The following RAB31 variants were observed in gnomAD, a reference collection of about 807,000 sequenced individuals.
RAB31 encodes the protein ras-related protein Rab-31.
A neutral mutation model predicts 25.6 loss-of-function variants in RAB31; 21 were observed. The observed-to-expected ratio is 0.82, with a 90% confidence interval of 0.58 to 1.18. The LOEUF is 1.18. Ranked by LOEUF, RAB31 falls within the 50% of genes most tolerant of loss-of-function variation. RAB31 has a pLI of 0.00. For missense variants in RAB31, 196 were observed against 250.1 expected (o/e 0.78, Z 1.46); for synonymous variants, 87 against 84.0 (o/e 1.04, Z -0.20).
intron 5 of RAB31, among the ~76,000 whole-genome samples, chr18:9,845,228 T>A (rs1026793939): frequency 6.6e-6 from 1 of 152,188 alleles, no homozygotes; most frequent in Non-Finnish European, 1.5e-5. Flanking sequence ...AGGTTTGGTG[T>A]TTTTTAATAT....
At chr18:9,711,092 C>T (rs777497004) in intron 1 of RAB31, among the ~76,000 whole-genome samples, 1 of 152,092 alleles carries the variant, frequency 6.6e-6, no homozygotes, top group Non-Finnish European at 1.5e-5. Context: ...TCTAGCTGCT[C>T]ATCCAATTAG....
chr18:9,839,081 G>A (rs114910703), intron 5 of RAB31, among the ~76,000 whole-genome samples: 2,380 of 152,294 alleles, frequency 0.016, 61 homozygotes, highest in African/African-American at 0.053. Context: ...GTTCTGGTCC[G>A]AAGACATCCA....
At chr18:9,750,717 G>A (rs2068230549) in intron 1 of RAB31, among the ~76,000 whole-genome samples, 1 of 152,194 alleles carries the variant, frequency 6.6e-6, no homozygotes, top group Admixed American at 6.5e-5. Flanking sequence ...GTTCGGAGAA[G>A]GTCTGCAATA....
intron 1 of RAB31, among the ~76,000 whole-genome samples, chr18:9,772,910 T>A (rs972888862): frequency 6.6e-6 from 1 of 151,646 alleles, no homozygotes; most frequent in Non-Finnish European, 1.5e-5. Flanking sequence ...ATGAAAAGAG[T>A]TGTGGTTTGG....
chr18:9,861,128 T>G lies in RAB31; in HGVS notation c.*1803T>G, dbSNP rs981834140. 1 of 151,268 alleles carries G rather than the reference T, an allele frequency of 6.6e-6. No homozygotes were observed. The highest frequency in any genetic ancestry group is 2.4e-5 in the African/African-American group (1 of 41,156). The allele number at this position is 151,268 out of a possible 1,614,324, so 9.4% of individuals were successfully genotyped here. A position where few individuals can be genotyped will look rare whatever the true frequency, so the allele number is the denominator to read the frequency against. ...TAAAAAAAAAAAAAAAAAAATGAGT[T>G]GAAAATTGAAGTGACCTCTTTCCAG... On this transcript the variant is annotated 3_prime_UTR_variant, in exon 7 of 7. Transcript: ENST00000578921.
intron 1 of RAB31, among the ~76,000 whole-genome samples, chr18:9,716,096 T>A (rs1336583998): frequency 6.6e-6 from 1 of 152,190 alleles, no homozygotes; most frequent in Non-Finnish European, 1.5e-5. Context: ...TTAGAGATCA[T>A]GTATTTCATT....
chr18:9,829,585 G>A (rs1369600488), intron 5 of RAB31, among the ~76,000 whole-genome samples: 4 of 152,206 alleles, frequency 2.6e-5, no homozygotes, highest in Non-Finnish European at 5.9e-5. Context: ...GAGTTTCAGG[G>A]GGTGCACACC....
chr18:9,811,933 C>A (rs1236590340), intron 3 of RAB31, among the ~76,000 whole-genome samples: 1 of 152,146 alleles, frequency 6.6e-6, no homozygotes, highest in Non-Finnish European at 1.5e-5. Context: ...ATAACATAGA[C>A]TGGGTGGCTT....
chr18:9,851,072 G>A (rs937969939), intron 6 of RAB31, among the ~76,000 whole-genome samples: 2 of 152,092 alleles, frequency 1.3e-5, no homozygotes, highest in African/African-American at 4.8e-5. Context: ...TAATTTTAAA[G>A]CAAAGCAAAA....
intron 5 of RAB31, among the ~76,000 whole-genome samples, chr18:9,824,548 T>G (rs1353563961): frequency 6.6e-6 from 1 of 152,214 alleles, no homozygotes; most frequent in Non-Finnish European, 1.5e-5. Flanking sequence ...CTGCCTGGCC[T>G]ATTTTGAGAA....
chr18:9,733,070 G>T (rs1483390735), intron 1 of RAB31, among the ~76,000 whole-genome samples: 1 of 152,176 alleles, frequency 6.6e-6, no homozygotes, highest in African/African-American at 2.4e-5. Flanking sequence ...AAATAGAATG[G>T]CGAGTTAGAC....
In RAB31 at chr18:9,766,781, C is replaced by T. The variant is rs11660563; in HGVS notation, c.40-8497C>T. ...CAGCCTGGGCAATATAGTGAGACCT[C>T]ATCTCTACCAAAATAAAAATAAAAA... On this transcript the variant is annotated intron_variant, in intron 1 of 6. Transcript: ENST00000578921. This position sits in a 1 kb window ranked among gnomAD's most constrained non-coding sequence, Gnocchi z 4.3. 0.066 allele frequency among the ~76,000 whole-genome samples: 10,051 copies of T among 152,156 alleles called. 451 individuals carry two copies. Among genetic ancestry groups the T allele is most frequent in the East Asian group, 0.17 (871 of 5,160 alleles).
chr18:9,759,413 C>T (rs1599027200), intron 1 of RAB31, among the ~76,000 whole-genome samples: 1 of 151,884 alleles, frequency 6.6e-6, no homozygotes, highest in Non-Finnish European at 1.5e-5. Flanking sequence ...TCAAGTAAAC[C>T]TCCCACCTCA....
chr18:9,732,280 G>A (rs2068127059), intron 1 of RAB31, among the ~76,000 whole-genome samples: 2 of 151,824 alleles, frequency 1.3e-5, no homozygotes, highest in African/African-American at 2.4e-5. Flanking sequence ...GGATGAGGCT[G>A]GGCCCCTGGG....
chr18:9,782,721 G>C (rs1599036439), intron 2 of RAB31, among the ~76,000 whole-genome samples: 1 of 152,226 alleles, frequency 6.6e-6, no homozygotes, highest in Admixed American at 6.5e-5. Flanking sequence ...GTTTGAGACA[G>C]GATCTTGCTC....
At chr18:9,800,174 A>C (rs1319295259) in intron 3 of RAB31, among the ~76,000 whole-genome samples, 1 of 152,226 alleles carries the variant, frequency 6.6e-6, no homozygotes, top group Non-Finnish European at 1.5e-5. Context: ...GAAAAGCAAC[A>C]TTGTCATAAA....
intron 1 of RAB31, among the ~76,000 whole-genome samples, chr18:9,716,425 A>C (rs978805371): frequency 2.0e-5 from 3 of 152,196 alleles, no homozygotes; most frequent in Non-Finnish European, 2.9e-5. Flanking sequence ...TGTCTGACAC[A>C]GAACTTTGAC....
intron 3 of RAB31, among the ~76,000 whole-genome samples, chr18:9,797,891 G>T (rs918687042): frequency 6.6e-6 from 1 of 152,194 alleles, no homozygotes; most frequent in Non-Finnish European, 1.5e-5. Flanking sequence ...GTCTTTTGAT[G>T]AAACTTGAAA....
At chr18:9,742,214 C>T (rs912206991) in intron 1 of RAB31, among the ~76,000 whole-genome samples, 4 of 152,106 alleles carry the variant, frequency 2.6e-5, no homozygotes, top group African/African-American at 7.2e-5. Flanking sequence ...GGGTAAGAAT[C>T]GCGATATTGC....
Sources: gnomAD v4.1 joint callset for allele counts (sites outside exome capture counted in the v4.1 genomes callset) on GRCh38, gnomAD v4.1.1 for gene constraint, Gnocchi (gnomAD v3.1) non-coding constraint, MANE v1.5 for transcripts, NCBI Gene and HGNC (gene_info 2026-07-23, HGNC 2026-07-21) for gene names.